IGF1R: variants seen among roughly 807,000 people sequenced by gnomAD.
The protein encoded by IGF1R is insulin-like growth factor 1 receptor.
IGF1R carries 44 observed loss-of-function variants against 144.6 expected under a neutral mutation model. That is an observed-to-expected ratio of 0.30 (90% CI 0.24 to 0.39). IGF1R has a LOEUF of 0.39. IGF1R is among the 10% of genes least tolerant of loss of function. The pLI is 1.00. For synonymous variants in IGF1R, 795 were observed against 722.8 expected (o/e 1.10, Z -1.60); for missense variants, 1,355 against 1,833.7 (o/e 0.74, Z 4.77).
chr15:98,699,000 C>G (rs965270891), intron 1 of IGF1R, among the ~76,000 whole-genome samples: 1 of 152,210 alleles, frequency 6.6e-6, no homozygotes, highest in Non-Finnish European at 1.5e-5. Context: ...ATGTGTTCTA[C>G]AAAATGAAGC....
chr15:98,761,860 C>T (rs1197286486), intron 2 of IGF1R, among the ~76,000 whole-genome samples: 1 of 152,230 alleles, frequency 6.6e-6, no homozygotes, highest in African/African-American at 2.4e-5. Flanking sequence ...TTTCAAGTGC[C>T]AGACAACCCT....
chr15:98,940,026 T>C (rs2016308198), intron 18 of IGF1R, among the ~76,000 whole-genome samples: 2 of 152,120 alleles, frequency 1.3e-5, no homozygotes, highest in Non-Finnish European at 2.9e-5. Flanking sequence ...GAAAAAAGGG[T>C]TGGATTGAAT....
chr15:98,924,480 C>G (rs747445503), intron 12 of IGF1R, 45 bp from the exon 13 acceptor site: 4 of 1,602,742 alleles, frequency 2.5e-6, no homozygotes, highest in Non-Finnish European at 3.4e-6. Context: ...CCCCAGATTT[C>G]TCCTGCATTC....
At chr15:98,789,807 C>T (rs1056003214) in intron 2 of IGF1R, among the ~76,000 whole-genome samples, 3 of 152,042 alleles carry the variant, frequency 2.0e-5, no homozygotes. Flanking sequence ...GGAGGGTCCT[C>T]AGCTTTGGGG....
chr15:98,887,513 A>G, intron 2 of IGF1R, among the ~76,000 whole-genome samples: 1 of 152,164 alleles, frequency 6.6e-6, no homozygotes, highest in East Asian at 1.9e-4. Flanking sequence ...TTGTCAGGGA[A>G]AGGGATTCTG....
intron 2 of IGF1R, among the ~76,000 whole-genome samples, chr15:98,781,946 G>A (rs2055869808): frequency 6.6e-6 from 1 of 152,032 alleles, no homozygotes; most frequent in Admixed American, 6.6e-5. Context: ...TTCATGCACT[G>A]GCCTAAAATG....
At chr15:98,806,830 C>A (rs28642198) in intron 2 of IGF1R, among the ~76,000 whole-genome samples, 2 of 152,084 alleles carry the variant, frequency 1.3e-5, no homozygotes, top group South Asian at 4.1e-4. Flanking sequence ...TAGGGCACAG[C>A]TGACCCTAAG....
chr15:98,808,755 C>T (rs998564627), intron 2 of IGF1R, among the ~76,000 whole-genome samples: 2 of 151,836 alleles, frequency 1.3e-5, no homozygotes, highest in African/African-American at 4.8e-5. Flanking sequence ...TCATAGCCCA[C>T]TGCAAGCTCA....
At chr15:98,923,397 C>T (rs531374458) in intron 11 of IGF1R, among the ~76,000 whole-genome samples, 68 of 152,266 alleles carry the variant, frequency 4.5e-4, no homozygotes, top group African/African-American at 1.5e-3. Context: ...CGTGTAGACG[C>T]GGGCCACGGA....
At chr15:98,780,170 TAAAAAAA>T (rs1389740870) in intron 2 of IGF1R, among the ~76,000 whole-genome samples, 4 of 150,642 alleles carry the variant, frequency 2.7e-5, no homozygotes, top group African/African-American at 9.7e-5. Context: ...ATAAATAAAA[TAAAAAAA>T]GAAAAAAGAA....
chr15:98,849,913 C>T (rs2011472525), intron 2 of IGF1R, among the ~76,000 whole-genome samples: 1 of 152,228 alleles, frequency 6.6e-6, no homozygotes, highest in African/African-American at 2.4e-5. Flanking sequence ...ATAACACACT[C>T]TTTGGAAAAC....
intron 2 of IGF1R, among the ~76,000 whole-genome samples, chr15:98,832,202 G>A (rs915834004): frequency 5.3e-5 from 8 of 152,080 alleles, no homozygotes; most frequent in Non-Finnish European, 8.8e-5. Flanking sequence ...CACAGATTCT[G>A]TGTGCCCAAG....
chr15:98,874,671 A>G (rs2012962920), intron 2 of IGF1R, among the ~76,000 whole-genome samples: 2 of 152,116 alleles, frequency 1.3e-5, no homozygotes, highest in African/African-American at 4.8e-5. Flanking sequence ...ATTTGACTGG[A>G]TGTCGTGATC....
Position 98,957,539 on chromosome 15 carries a change from T to C in IGF1R, c.*97T>C. 2 of 1,486,526 alleles carry C rather than the reference T, an allele frequency of 1.3e-6. No homozygotes were observed. Among genetic ancestry groups the C allele is most frequent in the Non-Finnish European group, 1.9e-6 (2 of 1,075,274 alleles). 92.1% of individuals were successfully genotyped at this position (1,486,526 alleles called of 1,614,324 possible). A position where few individuals can be genotyped will look rare whatever the true frequency, so the allele number is the denominator to read the frequency against. On this transcript the variant is annotated 3_prime_UTR_variant, in exon 21 of 21. Coordinates refer to ENST00000650285, the MANE Select transcript of IGF1R (RefSeq NM_000875.5). ...TTTAACAATCCATTCACAAGCCTCC[T>C]GTACCTCAGTGGATCTTCAGAACTG...
At chr15:98,904,834 C>T (rs966023273) in intron 5 of IGF1R, among the ~76,000 whole-genome samples, 1 of 152,228 alleles carries the variant, frequency 6.6e-6, no homozygotes, top group African/African-American at 2.4e-5. Context: ...CTCCATTTAT[C>T]AGGGCACAGG....
At chr15:98,788,904 G>A (rs1404785494) in intron 2 of IGF1R, among the ~76,000 whole-genome samples, 1 of 151,910 alleles carries the variant, frequency 6.6e-6, no homozygotes, top group Admixed American at 6.6e-5. Flanking sequence ...GTTATTTCTA[G>A]CATTTTTTTT....
intron 1 of IGF1R, among the ~76,000 whole-genome samples, chr15:98,684,507 G>A (rs1014276325): frequency 1.3e-5 from 2 of 152,120 alleles, no homozygotes; most frequent in African/African-American, 2.4e-5. Flanking sequence ...ATAGCTAAAC[G>A]TCAGTTGGCA....
chr15:98,796,098 A>G lies in IGF1R; in HGVS notation c.640+87991A>G, dbSNP rs1361142620. On this transcript the variant is annotated intron_variant, in intron 2 of 20. Coordinates refer to ENST00000650285, the MANE Select transcript of IGF1R (RefSeq NM_000875.5). ...AGACACAGATCCCCAGCACATATGA[A>G]CGTGAAAGAGGCTTCTCCGTGGGAG... Among the ~76,000 whole-genome samples the G allele has an allele frequency of 2.0e-5, 3 of 151,786 alleles. No homozygotes were observed. The South Asian group carries it at 6.3e-4, about 32-fold the overall frequency.
chr15:98,684,577 T>A (rs985530897), intron 1 of IGF1R, among the ~76,000 whole-genome samples: 1 of 152,126 alleles, frequency 6.6e-6, no homozygotes, highest in Non-Finnish European at 1.5e-5. Flanking sequence ...TCAGTGAAGA[T>A]CTTTTATGGC....
Sources: allele counts gnomAD v4.1 joint callset (sites outside exome capture counted in the v4.1 genomes callset), GRCh38; gene constraint gnomAD v4.1.1; transcripts MANE v1.5; gene names NCBI Gene and HGNC (gene_info 2026-07-23, HGNC 2026-07-21).